The following SRGAP3 variants were observed in gnomAD, a reference collection of about 807,000 sequenced individuals.
SRGAP3 encodes SLIT-ROBO Rho GTPase-activating protein 3.
In SRGAP3, 39 loss-of-function variants were observed where a neutral mutation model predicts 121.1. That is an observed-to-expected ratio of 0.32 (90% CI 0.25 to 0.42). SRGAP3 has a LOEUF of 0.42. Ranked by LOEUF, SRGAP3 falls within the 10% of genes least tolerant of loss-of-function variation. SRGAP3 has a pLI of 1.00. For missense variants in SRGAP3, 1,213 were observed against 1,470.6 expected (o/e 0.82, Z 2.86); for synonymous variants, 601 against 570.0 (o/e 1.05, Z -0.77).
intron 1 of SRGAP3, among the ~76,000 whole-genome samples, chr3:9,158,869 C>T (rs184039164): frequency 1.6e-3 from 249 of 152,302 alleles, no homozygotes; most frequent in African/African-American, 5.9e-3. Flanking sequence ...GCCTCAGCTG[C>T]CTGCAGGAAA....
chr3:9,348,418 A>AGCGTCGCATCCCCAGCCC (rs925738196), intron 1 of SRGAP3: 1 of 599,728 alleles, frequency 1.7e-6, no homozygotes, highest in Non-Finnish European at 3.1e-6. Context: ...AACCCCAGTC[A>AGCGTCGCATCCCCAGCCC]GCGTCGCATC....
At chr3:9,006,300 T>G (rs1943068075) in intron 18 of SRGAP3, among the ~76,000 whole-genome samples, 1 of 150,712 alleles carries the variant, frequency 6.6e-6, no homozygotes, top group African/African-American at 2.4e-5. Context: ...CTCCGGAGGC[T>G]GAGGCAGGAG....
At chr3:9,197,806 A>G (rs1951958696) in intron 1 of SRGAP3, among the ~76,000 whole-genome samples, 1 of 152,258 alleles carries the variant, frequency 6.6e-6, no homozygotes, top group African/African-American at 2.4e-5. Context: ...TCATAATCAA[A>G]TAACATTGTG....
intron 1 of SRGAP3, among the ~76,000 whole-genome samples, chr3:9,206,739 C>T (rs560411759): frequency 6.6e-6 from 1 of 152,280 alleles, no homozygotes; most frequent in South Asian, 2.1e-4. Context: ...CCTCCTTTGT[C>T]CCCTCTCCCT....
chr3:8,997,837 AT>A (rs1942501394), intron 18 of SRGAP3, among the ~76,000 whole-genome samples: 1 of 151,772 alleles, frequency 6.6e-6, no homozygotes, highest in South Asian at 2.1e-4. Context: ...AAACATCAGT[AT>A]ACTTTATCTC....
At chr3:9,122,726 A>T (rs1161079777) in intron 2 of SRGAP3, among the ~76,000 whole-genome samples, 2 of 150,944 alleles carry the variant, frequency 1.3e-5, no homozygotes, top group African/African-American at 2.4e-5. Context: ...AAAAAAAAAA[A>T]GGGAGAAGAT....
chr3:9,278,843 G>C (rs1211621172), intron 3 of SRGAP3, among the ~76,000 whole-genome samples: 2 of 152,146 alleles, frequency 1.3e-5, no homozygotes, highest in Admixed American at 6.5e-5. Context: ...CAGGTATCTG[G>C]ACTATAGTTG....
At chr3:9,321,873 T>C (rs965214403) in intron 3 of SRGAP3, among the ~76,000 whole-genome samples, 2 of 151,590 alleles carry the variant, frequency 1.3e-5, no homozygotes, top group African/African-American at 4.8e-5. Context: ...CTAGGCTTAG[T>C]ACCTAGGTGA....
intron 1 of SRGAP3, among the ~76,000 whole-genome samples, chr3:9,358,970 G>A (rs2030659914): frequency 1.3e-5 from 2 of 152,302 alleles, no homozygotes; most frequent in East Asian, 1.9e-4. Flanking sequence ...TACACAGGGA[G>A]AATCACAGAG....
At chr3:9,354,582 T>A (rs1321506629) in intron 1 of SRGAP3, among the ~76,000 whole-genome samples, 1 of 149,774 alleles carries the variant, frequency 6.7e-6, no homozygotes, top group Non-Finnish European at 1.5e-5. Context: ...CTGAGGAGGC[T>A]GAGGCAGAAG....
chr3:8,994,138 T>C (rs949574235), intron 19 of SRGAP3: 4 of 690,912 alleles, frequency 5.8e-6, no homozygotes, highest in Admixed American at 4.5e-5. Flanking sequence ...CGTTTCTGTG[T>C]GCTCAGAAGG....
intron 1 of SRGAP3, among the ~76,000 whole-genome samples, chr3:9,157,949 CA>C (rs1415266521): frequency 6.6e-6 from 1 of 152,204 alleles, no homozygotes; most frequent in Non-Finnish European, 1.5e-5. Flanking sequence ...TTTTACTACT[CA>C]GTGAATAACA....
At chr3:9,342,604 A>G (rs1955807985) in intron 1 of SRGAP3, among the ~76,000 whole-genome samples, 1 of 152,220 alleles carries the variant, frequency 6.6e-6, no homozygotes, top group Admixed American at 6.5e-5. Context: ...CCATCTTGTT[A>G]TACCATGGGT....
chr3:9,019,255 T>C (rs1374772459), intron 14 of SRGAP3, among the ~76,000 whole-genome samples: 3 of 152,228 alleles, frequency 2.0e-5, no homozygotes, highest in Non-Finnish European at 4.4e-5. Flanking sequence ...AGGGTAGACA[T>C]ATATGCAGTT....
At chr3:9,066,107 AT>A (rs1271021319) in intron 4 of SRGAP3, among the ~76,000 whole-genome samples, 1 of 151,978 alleles carries the variant, frequency 6.6e-6, no homozygotes, top group African/African-American at 2.4e-5. Context: ...CCCTTAATGA[AT>A]TTTTTTAATT....
At chr3:9,185,344 C>A (rs1425602934) in intron 1 of SRGAP3, among the ~76,000 whole-genome samples, 1 of 152,090 alleles carries the variant, frequency 6.6e-6, no homozygotes, top group Non-Finnish European at 1.5e-5. Flanking sequence ...CACTAGCTAC[C>A]CTGAGCACCA....
intron 1 of SRGAP3, among the ~76,000 whole-genome samples, chr3:9,352,347 C>T (rs2030226388): frequency 6.7e-6 from 1 of 149,550 alleles, no homozygotes; most frequent in Non-Finnish European, 1.5e-5. Flanking sequence ...GATCTCAGCT[C>T]ACTGCTGCCT....
chr3:9,168,014 C>T (rs2125091477), intron 1 of SRGAP3, among the ~76,000 whole-genome samples: 1 of 152,330 alleles, frequency 6.6e-6, no homozygotes, highest in South Asian at 2.1e-4. Flanking sequence ...ACATTAGCTC[C>T]TTGATTCCCC....
intron 3 of SRGAP3, among the ~76,000 whole-genome samples, chr3:9,266,813 CAAT>C (rs887860432): frequency 5.9e-5 from 9 of 152,104 alleles, no homozygotes; most frequent in African/African-American, 2.2e-4. Context: ...TACCAGGCCC[CAAT>C]AAATACTGCA....
Sources: gnomAD v4.1 joint callset for allele counts (sites outside exome capture counted in the v4.1 genomes callset) on GRCh38, gnomAD v4.1.1 for gene constraint, MANE v1.5 for transcripts, NCBI Gene and HGNC (gene_info 2026-07-23, HGNC 2026-07-21) for gene names.